Variants in CPNE8 observed in about 807,000 individuals in gnomAD.
The protein encoded by CPNE8 is copine 8.
In CPNE8, 45 loss-of-function variants were observed where a neutral mutation model predicts 81.5. The observed-to-expected ratio is 0.55, with a 90% CI of 0.44 to 0.71. The LOEUF (loss-of-function observed/expected upper bound fraction) is 0.71. Ranked by LOEUF, CPNE8 falls within the 30% of genes least tolerant of loss-of-function variation. The pLI is 0.00. For missense variants in CPNE8, 594 were observed against 672.1 expected, an observed-to-expected ratio of 0.88 and a Z score of 1.28; for synonymous variants, 252 against 226.3, an observed-to-expected ratio of 1.11 and a Z score of -1.02.
At chr12:38,738,812 T>C (rs1941013612) in intron 10 of CPNE8, among the ~76,000 whole-genome samples, 3 of 144,084 alleles carry the variant, frequency 2.1e-5, no homozygotes, top group Admixed American at 7.3e-5. Context: ...TTTTCTTTTT[T>C]TTTTTTCTTT....
intron 5 of CPNE8, among the ~76,000 whole-genome samples, chr12:38,833,351 C>CAAAAAAAA (rs774534221): frequency 1.6e-5 from 1 of 61,856 alleles, no homozygotes; most frequent in Non-Finnish European, 3.5e-5. Flanking sequence ...GACCTTATCT[C>CAAAAAAAA]AAAAAAAAAA....
At chr12:38,725,534 A>G (rs1940676222) in intron 11 of CPNE8, among the ~76,000 whole-genome samples, 1 of 152,232 alleles carries the variant, frequency 6.6e-6, no homozygotes, top group South Asian at 2.1e-4. Flanking sequence ...TAAACGTAAT[A>G]CATAATTGCC....
At chr12:38,752,002 G>C (rs1478495980) in intron 10 of CPNE8, among the ~76,000 whole-genome samples, 1 of 151,892 alleles carries the variant, frequency 6.6e-6, no homozygotes, top group East Asian at 1.9e-4. Context: ...TCAGTATTTT[G>C]TTGTATAAAT....
intron 13 of CPNE8, among the ~76,000 whole-genome samples, chr12:38,723,473 C>A (rs1281632484): frequency 6.6e-6 from 1 of 152,034 alleles, no homozygotes; most frequent in Non-Finnish European, 1.5e-5. Flanking sequence ...ATAAATAGTA[C>A]ATGTAAAATG....
intron 13 of CPNE8, among the ~76,000 whole-genome samples, chr12:38,717,429 G>GTGTATATATGTATATA (rs770984926): frequency 1.1e-5 from 1 of 87,034 alleles, no homozygotes; most frequent in African/African-American, 4.6e-5. Flanking sequence ...AAAGTGTGGT[G>GTGTATATATGTATATA]TATATATATA....
At chr12:38,779,306 G>T (rs1040526329) in intron 6 of CPNE8, among the ~76,000 whole-genome samples, 1 of 152,004 alleles carries the variant, frequency 6.6e-6, no homozygotes, top group African/African-American at 2.4e-5. Flanking sequence ...GATTTTTATG[G>T]TTACTTAGGG....
At chr12:38,670,702 T>C in intron 19 of CPNE8, 27 bp downstream of exon 19, 3 of 1,505,436 alleles carry the variant, frequency 2.0e-6, no homozygotes, top group Non-Finnish European at 2.7e-6. Context: ...CTAGCAATAG[T>C]AAAGTAGGAA....
chr12:38,668,985 C>G (rs142438516), intron 19 of CPNE8, among the ~76,000 whole-genome samples: 1 of 150,164 alleles, frequency 6.7e-6, no homozygotes, highest in Non-Finnish European at 1.5e-5. Flanking sequence ...ACCCAGGAGA[C>G]GGAGCTTGCA....
At chr12:38,755,779 G>T (rs1220100062) in intron 10 of CPNE8, among the ~76,000 whole-genome samples, 2 of 151,994 alleles carry the variant, frequency 1.3e-5, no homozygotes, top group Admixed American at 6.5e-5. Flanking sequence ...GGTGGCTCAC[G>T]CCTGTAATCC....
chr12:38,707,458 G>C (rs779654952), intron 13 of CPNE8, among the ~76,000 whole-genome samples: 1 of 152,062 alleles, frequency 6.6e-6, no homozygotes, highest in Non-Finnish European at 1.5e-5. Context: ...GAGAAAGAGA[G>C]AGGAGGGAAG....
intron 3 of CPNE8, among the ~76,000 whole-genome samples, chr12:38,857,934 T>A (rs1247697829): frequency 6.6e-6 from 1 of 152,202 alleles, no homozygotes; most frequent in Non-Finnish European, 1.5e-5. Context: ...TCCCTGTTGA[T>A]AATAAGAGAA....
chr12:38,891,229 C>T (rs1944310508), intron 1 of CPNE8, among the ~76,000 whole-genome samples: 1 of 152,028 alleles, frequency 6.6e-6, no homozygotes, highest in South Asian at 2.1e-4. Flanking sequence ...CTGCGCCTGG[C>T]CAAATTATCC....
intron 6 of CPNE8, among the ~76,000 whole-genome samples, chr12:38,785,424 C>T (rs564687455): frequency 2.4e-4 from 37 of 151,886 alleles, no homozygotes; most frequent in Non-Finnish European, 4.4e-4. Context: ...TTATAGCTCC[C>T]ATAATTCCCA....
At chr12:38,906,177 C>T, upstream of CPNE8, 4 of 985,698 alleles carry the variant, frequency 4.1e-6, no homozygotes, top group Non-Finnish European at 4.8e-6. Context: ...CCCTCCGTCC[C>T]TCCTACTGTG....
At chr12:38,718,571 T>C (rs1474716389) in intron 13 of CPNE8, among the ~76,000 whole-genome samples, 1 of 152,188 alleles carries the variant, frequency 6.6e-6, no homozygotes, top group African/African-American at 2.4e-5. Flanking sequence ...AAGGATATGG[T>C]AAACATCCTG....
chr12:38,808,243 C>T (rs1942860266), intron 6 of CPNE8, among the ~76,000 whole-genome samples: 1 of 152,098 alleles, frequency 6.6e-6, no homozygotes, highest in South Asian at 2.1e-4. Context: ...CCCAGCCATC[C>T]TATTACTGGT....
At chr12:38,753,694 G>C (rs757757376) in intron 10 of CPNE8, among the ~76,000 whole-genome samples, 1 of 152,090 alleles carries the variant, frequency 6.6e-6, no homozygotes, top group Non-Finnish European at 1.5e-5. Flanking sequence ...TCAGGTACCT[G>C]CTGTCAACTA....
intron 18 of CPNE8, among the ~76,000 whole-genome samples, chr12:38,671,667 A>C (rs1213661874): frequency 6.6e-6 from 1 of 152,192 alleles, no homozygotes; most frequent in African/African-American, 2.4e-5. Flanking sequence ...GCTTACAATT[A>C]TAATTTTGGC....
At chr12:38,883,978 C>T (rs867380002) in intron 1 of CPNE8, among the ~76,000 whole-genome samples, 1 of 152,174 alleles carries the variant, frequency 6.6e-6, no homozygotes, top group Non-Finnish European at 1.5e-5. Context: ...ATCTCCCGTT[C>T]ACTTGAGCAA....
Sources: allele counts gnomAD v4.1 joint callset (sites outside exome capture counted in the v4.1 genomes callset), GRCh38; gene constraint gnomAD v4.1.1; transcripts MANE v1.5; gene names NCBI Gene and HGNC (gene_info 2026-07-23, HGNC 2026-07-21).